Variants in EPHB1 observed in about 807,000 individuals in gnomAD.
The protein encoded by EPHB1 is ephrin type-B receptor 1.
In EPHB1, 30 loss-of-function variants were observed where a neutral mutation model predicts 94.4. That is an observed-to-expected ratio of 0.32 (90% CI 0.24 to 0.43). The LOEUF is 0.43. Ranked by LOEUF, EPHB1 falls within the 20% of genes least tolerant of loss-of-function variation. EPHB1 has a pLI of 1.00. For missense variants in EPHB1, 1,055 were observed against 1,308.3 expected (o/e 0.81, Z 2.99); for synonymous variants, 522 against 489.1 (o/e 1.07, Z -0.89).
chr3:135,002,332 G>C (rs1935214357), intron 3 of EPHB1, among the ~76,000 whole-genome samples: 2 of 152,274 alleles, frequency 1.3e-5, no homozygotes, highest in Admixed American at 1.3e-4. Context: ...TTTTTGATGT[G>C]CTGCTGGATT....
chr3:135,126,086 C>T (rs995885572), intron 4 of EPHB1, among the ~76,000 whole-genome samples: 12 of 152,294 alleles, frequency 7.9e-5, no homozygotes, highest in African/African-American at 2.9e-4. Context: ...ACACCACAGT[C>T]TCTCCCACCA....
intron 4 of EPHB1, among the ~76,000 whole-genome samples, chr3:135,119,911 T>C (rs928163368): frequency 6.6e-6 from 1 of 152,214 alleles, no homozygotes; most frequent in Non-Finnish European, 1.5e-5. Flanking sequence ...TTTGGTGAGA[T>C]GTTTCTTTTA....
At chr3:134,985,881 C>G (rs1482616830) in intron 3 of EPHB1, among the ~76,000 whole-genome samples, 1 of 152,110 alleles carries the variant, frequency 6.6e-6, no homozygotes, top group Non-Finnish European at 1.5e-5. Context: ...GAGATCAGTA[C>G]AGTTTAAGCC....
chr3:134,801,400 CT>C (rs1321803863), intron 1 of EPHB1, among the ~76,000 whole-genome samples: 1 of 152,166 alleles, frequency 6.6e-6, no homozygotes, highest in Non-Finnish European at 1.5e-5. Context: ...CCTGGGACCC[CT>C]ATGTGTTCTG....
intron 4 of EPHB1, among the ~76,000 whole-genome samples, chr3:135,108,913 A>C (rs2107800165): frequency 6.6e-6 from 1 of 152,222 alleles, no homozygotes; most frequent in East Asian, 1.9e-4. Flanking sequence ...AAGACAGACT[A>C]CCAGGACAGT....
chr3:135,160,709 A>G (rs914130409), intron 6 of EPHB1, among the ~76,000 whole-genome samples: 9 of 152,204 alleles, frequency 5.9e-5, no homozygotes, highest in Non-Finnish European at 4.4e-5. Flanking sequence ...ATTAGAGGCC[A>G]TGTTGGTATA....
chr3:135,216,900 T>A (rs956574058), intron 12 of EPHB1, among the ~76,000 whole-genome samples: 1 of 152,132 alleles, frequency 6.6e-6, no homozygotes, highest in Admixed American at 6.5e-5. Flanking sequence ...TGCATCACTT[T>A]GGTTGCAAAG....
intron 3 of EPHB1, among the ~76,000 whole-genome samples, chr3:135,086,642 G>A (rs577030283): frequency 3.6e-4 from 55 of 152,038 alleles, no homozygotes; most frequent in African/African-American, 1.3e-3. Flanking sequence ...TGCATCAGTT[G>A]TCATCTCCAC....
chr3:134,809,184 T>C (rs1045468791), intron 1 of EPHB1, among the ~76,000 whole-genome samples: 13 of 152,350 alleles, frequency 8.5e-5, no homozygotes, highest in African/African-American at 2.4e-4. Flanking sequence ...TTGTATAAGA[T>C]GGCAGATCTT....
chr3:135,169,217 C>T (rs562671103), intron 9 of EPHB1, among the ~76,000 whole-genome samples: 2 of 152,266 alleles, frequency 1.3e-5, no homozygotes, highest in South Asian at 2.1e-4. Context: ...AACCAATCCT[C>T]AGTCTGCAGT....
At position 134,877,034 on chromosome 3, in the gene EPHB1, T is replaced by G. The variant is rs138391627; in HGVS notation, c.59-48782T>G. Among the ~76,000 whole-genome samples the G allele has an allele frequency of 4.8e-3, 729 of 152,298 alleles. 5 individuals are homozygous for G. Among genetic ancestry groups the G allele is most frequent in the Middle Eastern group, 0.01 (3 of 294 alleles). On this transcript the variant is annotated intron_variant, in intron 1 of 15. Coordinates refer to ENST00000398015, the MANE Select transcript of EPHB1 (RefSeq NM_004441.5). The stretch of plus-strand genomic sequence containing the variant: ...CTACACCCCATGGGGCCTTGGTACC[T>G]GTAAGCCCACTGAGTGCATGCCCAG...
intron 2 of EPHB1, among the ~76,000 whole-genome samples, chr3:134,941,744 TGCACACAG>T (rs924790354): frequency 1.7e-4 from 20 of 116,298 alleles, no homozygotes; most frequent in Admixed American, 5.6e-4. Context: ...GCTTTACATA[TGCACACAG>T]ACACACACAC....
chr3:135,012,106 G>T (rs145158762), intron 3 of EPHB1, among the ~76,000 whole-genome samples: 3 of 152,280 alleles, frequency 2.0e-5, no homozygotes, highest in African/African-American at 7.2e-5. Flanking sequence ...CAAACTGAAG[G>T]TGCCTTGTCC....
At chr3:135,255,067 CT>C (rs1355140018) in intron 15 of EPHB1, among the ~76,000 whole-genome samples, 1 of 152,108 alleles carries the variant, frequency 6.6e-6, no homozygotes, top group Non-Finnish European at 1.5e-5. Flanking sequence ...GTGATATCCC[CT>C]TTATCATTTT....
intron 3 of EPHB1, among the ~76,000 whole-genome samples, chr3:135,030,825 C>T (rs4459936): frequency 7.2e-5 from 11 of 152,066 alleles, no homozygotes; most frequent in Non-Finnish European, 1.0e-4. Flanking sequence ...CCCCCAGCCT[C>T]GCTGCCGCCT....
chr3:134,939,024 A>G (rs1560306049), intron 2 of EPHB1, among the ~76,000 whole-genome samples: 1 of 152,208 alleles, frequency 6.6e-6, no homozygotes, highest in East Asian at 1.9e-4. Flanking sequence ...CTTCCTAGCA[A>G]TCTGAATATA....
intron 3 of EPHB1, among the ~76,000 whole-genome samples, chr3:135,030,874 A>C (rs980591980): frequency 1.3e-5 from 2 of 152,190 alleles, no homozygotes; most frequent in African/African-American, 2.4e-5. Context: ...GCAATCAGCG[A>C]GACTCCTTGG....
chr3:134,972,121 C>T (rs1329347950), intron 3 of EPHB1, among the ~76,000 whole-genome samples: 1 of 152,080 alleles, frequency 6.6e-6, no homozygotes, highest in African/African-American at 2.4e-5. Flanking sequence ...AATTGCCTCT[C>T]CCCTGTGTGG....
At chr3:135,146,947 C>T (rs1413328595) in intron 5 of EPHB1, among the ~76,000 whole-genome samples, 1 of 152,198 alleles carries the variant, frequency 6.6e-6, no homozygotes, top group African/African-American at 2.4e-5. Context: ...ACACAGAGAA[C>T]ATCTTCAAAA....
Sources: gnomAD v4.1 joint callset for allele counts (sites outside exome capture counted in the v4.1 genomes callset) on GRCh38, gnomAD v4.1.1 for gene constraint, MANE v1.5 for transcripts, NCBI Gene and HGNC (gene_info 2026-07-23, HGNC 2026-07-21) for gene names.